ANKRD29: variants seen among roughly 807,000 people sequenced by gnomAD.
ANKRD29 encodes ankyrin repeat domain-containing protein 29.
A neutral mutation model predicts 38.0 loss-of-function variants in ANKRD29; 32 were observed. The observed-to-expected ratio is 0.84, with a 90% CI of 0.64 to 1.13. ANKRD29 has a LOEUF of 1.13. ANKRD29 is among the 50% of genes most tolerant of loss of function. The probability of loss-of-function intolerance (pLI) is 0.00; values close to 1 mark genes in which losing one functional copy is unlikely to be tolerated. For missense variants in ANKRD29, 357 were observed against 377.9 expected (o/e 0.94, Z 0.46); for synonymous variants, 135 against 152.4 (o/e 0.89, Z 0.84).
intron 1 of ANKRD29, among the ~76,000 whole-genome samples, chr18:23,653,762 C>T (rs144001633): frequency 0.011 from 1,599 of 151,672 alleles, 16 homozygotes; most frequent in Middle Eastern, 0.024. Flanking sequence ...GTAGAGCTAG[C>T]GTTTTGCCAC....
intron 7 of ANKRD29, 85 bp downstream of exon 7, chr18:23,619,446 G>T: frequency 7.7e-7 from 1 of 1,296,264 alleles, no homozygotes; most frequent in Non-Finnish European, 1.0e-6. Context: ...AACCCATGTG[G>T]GCTGCAGACT....
intron 9 of ANKRD29, among the ~76,000 whole-genome samples, 153 bp downstream of exon 9, chr18:23,611,939 C>T (rs1261802404): frequency 4.6e-5 from 7 of 152,014 alleles, no homozygotes; most frequent in Admixed American, 1.3e-4. Context: ...TCCAACTGTA[C>T]TGCTCACTAA....
chr18:23,618,822 G>A (rs1310780924), intron 7 of ANKRD29: 1 of 111,916 alleles, frequency 8.9e-6, no homozygotes, highest in African/African-American at 3.4e-5. Context: ...TGAATTGGGG[G>A]GCGGGGGGTG....
chr18:23,661,286 C>T (rs1170378793), intron 1 of ANKRD29, among the ~76,000 whole-genome samples: 1 of 152,180 alleles, frequency 6.6e-6, no homozygotes, highest in Non-Finnish European at 1.5e-5. Context: ...CTCCTGGGAT[C>T]GAGGAGAGTA....
chr18:23,611,196 C>T (rs1244135295), intron 9 of ANKRD29, among the ~76,000 whole-genome samples: 1 of 152,158 alleles, frequency 6.6e-6, no homozygotes, highest in African/African-American at 2.4e-5. Context: ...GCATGTACTC[C>T]TGTTAACAAT....
chr18:23,609,797 AAAGAT>A (rs1270104954), intron 9 of ANKRD29, among the ~76,000 whole-genome samples: 1 of 152,254 alleles, frequency 6.6e-6, no homozygotes. Flanking sequence ...CACAAGGTCT[AAAGAT>A]AAGATCTAAA....
At position 23,624,466 on chromosome 18, in the gene ANKRD29, C is replaced by CAAAAAAAAAAAAAAAAAAAAAAAAA. The variant is rs56005663; in HGVS notation, c.529-4862_529-4838dup. 6.2e-5 allele frequency among the ~76,000 whole-genome samples: 2 copies of CAAAAAAAAAAAAAAAAAAAAAAAAA among 32,438 alleles called. 1 individual carries two copies. The highest frequency in any genetic ancestry group is 1.4e-4 in the Non-Finnish European group (2 of 14,576). 21.3% of individuals were successfully genotyped at this position (32,438 alleles called of 152,430 possible). A position where few individuals can be genotyped will look rare whatever the true frequency, so the allele number is the denominator to read the frequency against. ...TGGGCGACAGAGTGAGACTCCATCT[C>CAAAAAAAAAAAAAAAAAAAAAAAAA]AAAAAAAAAAAAAAAAAAAAAAAAA... On this transcript the variant is annotated intron_variant, in intron 6 of 9. Coordinates refer to ENST00000592179, the MANE Select transcript of ANKRD29 (RefSeq NM_173505.4).
At chr18:23,640,459 G>A (rs1051318488) in intron 3 of ANKRD29, among the ~76,000 whole-genome samples, 3 of 152,126 alleles carry the variant, frequency 2.0e-5, no homozygotes, top group Non-Finnish European at 4.4e-5. Flanking sequence ...AAATTTTAGC[G>A]CCCCAGAGTG....
intron 8 of ANKRD29, among the ~76,000 whole-genome samples, chr18:23,613,048 A>G (rs991162732): frequency 6.6e-6 from 1 of 152,082 alleles, no homozygotes; most frequent in Non-Finnish European, 1.5e-5. Flanking sequence ...CCCACAAAGT[A>G]GCATTTTTCT....
At chr18:23,650,719 T>G (rs1221898137) in intron 1 of ANKRD29, among the ~76,000 whole-genome samples, 1 of 152,214 alleles carries the variant, frequency 6.6e-6, no homozygotes, top group East Asian at 1.9e-4. Context: ...TGCCTTGAAG[T>G]TGACGGTATT....
chr18:23,602,316 G>A (rs2059524470), intron 9 of ANKRD29, among the ~76,000 whole-genome samples: 1 of 152,074 alleles, frequency 6.6e-6, no homozygotes, highest in Non-Finnish European at 1.5e-5. Flanking sequence ...GATTACAGGT[G>A]TGAGCCACCG....
At chr18:23,608,222 GTGTT>G (rs781425805) in intron 9 of ANKRD29, among the ~76,000 whole-genome samples, 26 of 152,204 alleles carry the variant, frequency 1.7e-4, no homozygotes, top group Non-Finnish European at 5.9e-5. Flanking sequence ...ATGGTATCTA[GTGTT>G]TGTTGAATGA....
Position 23,649,065 on chromosome 18 carries a change from T to A in ANKRD29, c.132+18A>T, listed in dbSNP as rs2060177222. 1 of 1,608,414 alleles carries A rather than the reference T, an allele frequency of 6.2e-7. No homozygotes were observed. On this transcript the variant is annotated intron_variant, in intron 2 of 9. Coordinates refer to ENST00000592179, the MANE Select transcript of ANKRD29 (RefSeq NM_173505.4). Reference sequence around the variant, plus strand: ...GGCAATGGTGCATGCTGGGCATGCATCTACCGAACCACCGTACGCTGTCTC... The same window carrying A: ...GGCAATGGTGCATGCTGGGCATGCAACTACCGAACCACCGTACGCTGTCTC...
intron 7 of ANKRD29, 199 bp downstream of exon 7, chr18:23,619,332 C>A (rs1379302868): frequency 1.7e-6 from 1 of 580,548 alleles, no homozygotes; most frequent in African/African-American, 2.0e-5. Context: ...TCCACCCTCT[C>A]TAGTGCGTCC....
At chr18:23,631,378 C>T (rs1195758474) in intron 5 of ANKRD29, among the ~76,000 whole-genome samples, 2 of 150,840 alleles carry the variant, frequency 1.3e-5, no homozygotes, top group Non-Finnish European at 2.9e-5. Flanking sequence ...GTTGTTGGGA[C>T]TACAGGCGTG....
At chr18:23,616,127 T>G (rs1399950572) in intron 8 of ANKRD29, among the ~76,000 whole-genome samples, 5 of 98,364 alleles carry the variant, frequency 5.1e-5, no homozygotes, top group African/African-American at 8.1e-5. Context: ...ACATACCGTA[T>G]GTATGTATGT....
At chr18:23,631,323 G>A (rs931069002) in intron 5 of ANKRD29, among the ~76,000 whole-genome samples, 5 of 151,204 alleles carry the variant, frequency 3.3e-5, no homozygotes, top group Non-Finnish European at 7.4e-5. Context: ...TCAATGCAGC[G>A]TCAACTTCCT....
intron 8 of ANKRD29, among the ~76,000 whole-genome samples, chr18:23,614,033 T>G (rs1396906375): frequency 1.3e-5 from 2 of 151,856 alleles, no homozygotes; most frequent in Non-Finnish European, 2.9e-5. Context: ...TGCCCGGCCT[T>G]TACAAACAAT....
chr18:23,620,512 G>A (rs2059783371), intron 6 of ANKRD29, among the ~76,000 whole-genome samples: 1 of 152,170 alleles, frequency 6.6e-6, no homozygotes, highest in Non-Finnish European at 1.5e-5. Flanking sequence ...GCCTTCCAAT[G>A]TGTGAAGGAG....
Sources: allele counts gnomAD v4.1 joint callset (sites outside exome capture counted in the v4.1 genomes callset), GRCh38; gene constraint gnomAD v4.1.1; transcripts MANE v1.5; gene names NCBI Gene and HGNC (gene_info 2026-07-23, HGNC 2026-07-21).